CDK14: variants seen among roughly 807,000 people sequenced by gnomAD.
CDK14 encodes the protein cyclin dependent kinase 14, also known as cyclin-dependent kinase 14.
In CDK14, 34 loss-of-function variants were observed where a neutral mutation model predicts 60.7. That is an observed-to-expected ratio of 0.56 (90% confidence interval 0.43 to 0.75). The LOEUF is 0.75. CDK14 is among the 30% of genes least tolerant of loss of function. The pLI is 0.00. For missense variants in CDK14, 482 were observed against 564.1 expected, an observed-to-expected ratio of 0.85 and a Z score of 1.47; for synonymous variants, 197 against 203.7, an observed-to-expected ratio of 0.97 and a Z score of 0.28.
In CDK14 at chr7:90,820,469, T is replaced by C. The variant is rs3779561; in HGVS notation, c.544+29817T>C. On this transcript the variant is annotated intron_variant, in intron 5 of 14. Coordinates refer to ENST00000380050, the MANE Select transcript of CDK14 (RefSeq NM_001287135.2). ...ATAATGAGTGACTTCTTATGAGAGC[T>C]TTTGGTTTAAAAGTGACATTTCCCT... is the stretch of plus-strand genomic sequence containing the variant. 4.3e-4 allele frequency among the ~76,000 whole-genome samples: 65 copies of C among 152,262 alleles called. 1 individual carries two copies. The East Asian group carries it at 0.011, about 27-fold the overall frequency.
chr7:90,701,886 C>T (rs1357133434), intron 2 of CDK14, among the ~76,000 whole-genome samples: 1 of 152,204 alleles, frequency 6.6e-6, no homozygotes, highest in Admixed American at 6.6e-5. Flanking sequence ...ATTTTACTAC[C>T]TGATGGCTTT....
intron 10 of CDK14, among the ~76,000 whole-genome samples, chr7:91,030,557 A>G (rs1796732692): frequency 6.6e-6 from 1 of 152,134 alleles, no homozygotes; most frequent in South Asian, 2.1e-4. Context: ...CTGCCTCTCA[A>G]ATGCCCCATC....
At chr7:90,895,389 T>A (rs539261341) in intron 6 of CDK14, among the ~76,000 whole-genome samples, 5 of 3,904 alleles carry the variant, frequency 1.3e-3, no homozygotes, top group African/African-American at 3.1e-3. Flanking sequence ...TCCTCTCCTC[T>A]CCTCTCCTCT....
chr7:90,910,170 T>A (rs1290435428), intron 7 of CDK14, among the ~76,000 whole-genome samples: 1 of 152,234 alleles, frequency 6.6e-6, no homozygotes, highest in Non-Finnish European at 1.5e-5. Context: ...TCTCTTTTTT[T>A]ATATCTCTGT....
chr7:91,149,030 A>T (rs1266928376), intron 14 of CDK14, among the ~76,000 whole-genome samples: 2 of 152,166 alleles, frequency 1.3e-5, no homozygotes, highest in African/African-American at 4.8e-5. Context: ...TAATAATAAC[A>T]TTTATTTAAC....
At chr7:90,942,133 A>G (rs1793954619) in intron 8 of CDK14, among the ~76,000 whole-genome samples, 1 of 152,154 alleles carries the variant, frequency 6.6e-6, no homozygotes, top group Non-Finnish European at 1.5e-5. Flanking sequence ...TGTGGGGGAA[A>G]GGGATCCCTT....
intron 5 of CDK14, among the ~76,000 whole-genome samples, chr7:90,806,536 G>C (rs78903920): frequency 1.3e-5 from 2 of 152,324 alleles, no homozygotes; most frequent in Admixed American, 1.3e-4. Context: ...AGCTCCCAGC[G>C]TGAGCGATGT....
chr7:90,629,091 A>T (rs1010777131), intron 2 of CDK14, among the ~76,000 whole-genome samples: 1 of 152,142 alleles, frequency 6.6e-6, no homozygotes, highest in African/African-American at 2.4e-5. Context: ...ATATTTTTTT[A>T]AATTCAGAGA....
At chr7:90,940,655 A>G (rs1190371114) in intron 8 of CDK14, among the ~76,000 whole-genome samples, 2 of 151,980 alleles carry the variant, frequency 1.3e-5, no homozygotes, top group African/African-American at 4.8e-5. Flanking sequence ...GTGTGGTAGC[A>G]TGTGCCTGTA....
At chr7:90,870,257 T>C in intron 6 of CDK14, among the ~76,000 whole-genome samples, 1 of 152,146 alleles carries the variant, frequency 6.6e-6, no homozygotes, top group Non-Finnish European at 1.5e-5. Flanking sequence ...AACCAAATAC[T>C]GCATGTTCTG....
intron 2 of CDK14, among the ~76,000 whole-genome samples, chr7:90,604,846 T>G (rs536560104): frequency 2.4e-4 from 36 of 152,386 alleles, no homozygotes; most frequent in African/African-American, 7.2e-4. Flanking sequence ...CATTCCTGAA[T>G]TTTTGTAGTA....
chr7:90,598,297 A>C (rs1246399573), intron 1 of CDK14, among the ~76,000 whole-genome samples: 1 of 152,240 alleles, frequency 6.6e-6, no homozygotes, highest in Non-Finnish European at 1.5e-5. Flanking sequence ...TTTGATCGAC[A>C]ATCAGTAAAA....
intron 2 of CDK14, among the ~76,000 whole-genome samples, chr7:90,703,847 A>G (rs544990667): frequency 1.3e-5 from 2 of 152,290 alleles, no homozygotes; most frequent in Non-Finnish European, 2.9e-5. Context: ...GCTCTTTGGG[A>G]GGCCAAGGAG....
In CDK14 at chr7:90,652,808, C is replaced by A. The variant is rs74367206; in HGVS notation, c.123+48559C>A. On this transcript the variant is annotated intron_variant, in intron 2 of 14. Transcript: ENST00000380050. The stretch of plus-strand genomic sequence containing the variant: ...AAAGGTTAAATCATTTGCCCAAAGA[C>A]ACACATCTACAAAGTGACGGAAGTT... Among the ~76,000 whole-genome samples, 1,478 of 152,298 alleles carry A rather than the reference C, an allele frequency of 9.7e-3. 25 individuals are homozygous for A. Among genetic ancestry groups the A allele is most frequent in the African/African-American group, 0.033 (1,353 of 41,570 alleles).
intron 4 of CDK14, among the ~76,000 whole-genome samples, chr7:90,775,192 A>T (rs1369122966): frequency 1.3e-5 from 2 of 152,318 alleles, no homozygotes; most frequent in African/African-American, 4.8e-5. Context: ...GAAATGCTGT[A>T]AAGTTGAGCA....
intron 8 of CDK14, among the ~76,000 whole-genome samples, chr7:90,955,495 G>T (rs1423417935): frequency 1.3e-5 from 2 of 152,136 alleles, no homozygotes; most frequent in East Asian, 1.9e-4. Flanking sequence ...TTAGGAAATA[G>T]AAATGTTTTA....
chr7:90,922,826 C>A (rs902316055), intron 8 of CDK14, among the ~76,000 whole-genome samples: 3 of 152,074 alleles, frequency 2.0e-5, no homozygotes, highest in African/African-American at 7.2e-5. Context: ...TATTTGAGAG[C>A]ATTTTTCCTT....
intron 14 of CDK14, among the ~76,000 whole-genome samples, chr7:91,151,455 T>G (rs1256694890): frequency 6.6e-6 from 1 of 152,222 alleles, no homozygotes; most frequent in East Asian, 1.9e-4. Context: ...GTAGTTAGCC[T>G]ATAAAGTTGG....
At chr7:90,917,824 T>G (rs1793126812) in intron 8 of CDK14, 100 bp downstream of exon 8, 3 of 1,178,196 alleles carry the variant, frequency 2.5e-6, no homozygotes, top group African/African-American at 3.1e-5. Context: ...TCTATCATCA[T>G]AGATCCTGGT....
Sources: gnomAD v4.1 joint callset for allele counts (sites outside exome capture counted in the v4.1 genomes callset) on GRCh38, gnomAD v4.1.1 for gene constraint, MANE v1.5 for transcripts, NCBI Gene and HGNC (gene_info 2026-07-23, HGNC 2026-07-21) for gene names.